Variants in TNRC18 observed in about 807,000 individuals in gnomAD.
The protein encoded by TNRC18 is trinucleotide repeat-containing gene 18 protein.
A neutral mutation model predicts 226.7 loss-of-function variants in TNRC18; 69 were observed. That is an observed-to-expected ratio of 0.30 (90% CI 0.25 to 0.37). TNRC18 has a LOEUF of 0.37. Among genes scored for constraint, TNRC18 ranks in the 10% least tolerant of loss-of-function variants. The pLI is 1.00. For synonymous variants in TNRC18, 2,449 were observed against 1,927.6 expected (o/e 1.27, Z -7.09); for missense variants, 4,754 against 4,256.6 (o/e 1.12, Z -3.25).
intron 2 of TNRC18, among the ~76,000 whole-genome samples, chr7:5,405,922 G>C (rs1171071955): frequency 6.6e-6 from 1 of 152,154 alleles, no homozygotes; most frequent in Non-Finnish European, 1.5e-5. Flanking sequence ...AAATAGAAAA[G>C]TATGCAGACG....
intron 17 of TNRC18, among the ~76,000 whole-genome samples, chr7:5,349,204 G>A (rs964953444): frequency 5.3e-5 from 8 of 152,168 alleles, no homozygotes; most frequent in African/African-American, 1.7e-4. Flanking sequence ...GCCTCCCTGC[G>A]TGCTTGACAA....
Position 5,370,899 on chromosome 7 carries a change from G to T in TNRC18, c.3695C>A (p.Ser1232Tyr), listed in dbSNP as rs747760066. Residue 1232 changes from serine (S) to tyrosine (Y), a missense_variant, in exon 11 of 30, where the codon TCC becomes TAC. Coordinates refer to ENST00000430969, the MANE Select transcript of TNRC18 (RefSeq NM_001080495.3). ...GGTGCAGGGTTCTGTCCGGCCCGGG[G>T]AATCCACCCGTGGTTCAGGCCCCTC... ...FVEGPEPRVD[S>Y]PGRTEPCTAA... 1.2e-6 allele frequency: 2 copies of T among 1,606,204 alleles called. No homozygotes were observed. The highest frequency in any genetic ancestry group is 3.3e-5 in the Admixed American group (2 of 60,000).
At chr7:5,415,761 T>G (rs942143742) in intron 2 of TNRC18, among the ~76,000 whole-genome samples, 3 of 152,158 alleles carry the variant, frequency 2.0e-5, no homozygotes, top group East Asian at 3.9e-4. Context: ...TCCAGGTGGT[T>G]GTCCAGGGAA....
chr7:5,320,296 A>T, intron 24 of TNRC18, 22 bp downstream of exon 24: 6 of 1,534,346 alleles, frequency 3.9e-6, no homozygotes, highest in Non-Finnish European at 5.3e-6. Context: ...GGCAGGGGAG[A>T]GCTGGGGAGG....
chr7:5,381,491 G>C (rs1779392189), intron 5 of TNRC18, among the ~76,000 whole-genome samples: 1 of 152,086 alleles, frequency 6.6e-6, no homozygotes, highest in South Asian at 2.1e-4. Context: ...GACCACCTCT[G>C]CTCCATCACG....
At chr7:5,326,771 C>T (rs1479710631) in intron 19 of TNRC18, among the ~76,000 whole-genome samples, 1 of 151,192 alleles carries the variant, frequency 6.6e-6, no homozygotes, top group East Asian at 1.9e-4. Context: ...CGCGCCACCA[C>T]ACTCCAGCCT....
At chr7:5,328,486 AGT>A (rs1189164009) in intron 19 of TNRC18, among the ~76,000 whole-genome samples, 1 of 150,166 alleles carries the variant, frequency 6.7e-6, no homozygotes, top group Admixed American at 6.7e-5. Flanking sequence ...TGGGCAACAC[AGT>A]GAGACCACCT....
chr7:5,400,812 G>A (rs1256277415), intron 2 of TNRC18, among the ~76,000 whole-genome samples: 1 of 152,134 alleles, frequency 6.6e-6, no homozygotes, highest in Non-Finnish European at 1.5e-5. Context: ...GTCAAGGTGG[G>A]CAGCAGATCA....
rs1444688888 is a variant in TNRC18, at chr7:5,306,899, C to G, written c.*1207G>C. On this transcript the variant is annotated 3_prime_UTR_variant, in exon 30 of 30. Transcript: ENST00000430969. ...ACATAAAAAAAAAAACCAATAATTC[C>G]CCCAAAAAACAAACCCAAAGTCTGG... 1 of 148,864 alleles carries G rather than the reference C, an allele frequency of 6.7e-6. No individual in the cohort carries two copies. The highest frequency in any genetic ancestry group is 1.5e-5 in the Non-Finnish European group (1 of 67,908). The allele number at this position is 148,864 out of a possible 1,614,324, so 9.2% of individuals were successfully genotyped here.
At chr7:5,369,942 T>G (rs1446386294) in intron 11 of TNRC18, among the ~76,000 whole-genome samples, 1 of 152,302 alleles carries the variant, frequency 6.6e-6, no homozygotes, top group Non-Finnish European at 1.5e-5. Context: ...ATGTGTATCT[T>G]AACCACAATT....
chr7:5,366,728 C>T (rs1003288989), intron 11 of TNRC18, among the ~76,000 whole-genome samples: 3 of 152,292 alleles, frequency 2.0e-5, no homozygotes, highest in South Asian at 2.1e-4. Context: ...CCCATACCCC[C>T]GCCTCGAGGT....
chr7:5,343,040 G>A (rs980639801), intron 18 of TNRC18, among the ~76,000 whole-genome samples: 10 of 152,164 alleles, frequency 6.6e-5, no homozygotes, highest in Admixed American at 5.2e-4. Flanking sequence ...TTTAAGATAT[G>A]TACAATGTTT....
Position 5,354,263 on chromosome 7 carries a change from G to A in TNRC18, c.5195-2169C>T, listed in dbSNP as rs185243307. On this transcript the variant is annotated intron_variant, in intron 16 of 29. Transcript: ENST00000430969. ...AAATAAAACGGACATTCCCTCACAC[G>A]TGCCAAGAGTGAACACACCAGCTCG... 1.7e-3 allele frequency among the ~76,000 whole-genome samples: 258 copies of A among 151,868 alleles called. 1 individual carries two copies. The highest frequency in any genetic ancestry group is 5.6e-3 in the African/African-American group (230 of 41,418).
intron 2 of TNRC18, among the ~76,000 whole-genome samples, chr7:5,408,959 C>T (rs985085167): frequency 1.3e-5 from 2 of 152,166 alleles, no homozygotes; most frequent in Non-Finnish European, 2.9e-5. Flanking sequence ...AATCAGAGTG[C>T]GAATCATCAA....
chr7:5,355,318 GA>G (rs1405230194), intron 16 of TNRC18, among the ~76,000 whole-genome samples: 1 of 152,198 alleles, frequency 6.6e-6, no homozygotes, highest in Non-Finnish European at 1.5e-5. Context: ...GTCCCATCAG[GA>G]ATGCTCCATT....
At chr7:5,347,153 G>C (rs897106845) in intron 17 of TNRC18, among the ~76,000 whole-genome samples, 1 of 151,850 alleles carries the variant, frequency 6.6e-6, no homozygotes, top group Admixed American at 6.6e-5. Flanking sequence ...GACCAGCCTG[G>C]GCGACAGAGC....
chr7:5,350,128 A>C (rs1228347758), intron 17 of TNRC18, among the ~76,000 whole-genome samples: 1 of 151,728 alleles, frequency 6.6e-6, no homozygotes, highest in Non-Finnish European at 1.5e-5. Context: ...GAGATGGGGG[A>C]AAGGGAGGAG....
intron 2 of TNRC18, among the ~76,000 whole-genome samples, chr7:5,409,474 G>A (rs1040999403): frequency 2.0e-4 from 29 of 147,592 alleles, no homozygotes; most frequent in Non-Finnish European, 3.8e-4. Context: ...CCTGTAGTCC[G>A]AGAAGGCTGA....
chr7:5,411,855 C>T (rs1479565354), intron 2 of TNRC18, among the ~76,000 whole-genome samples: 4 of 151,962 alleles, frequency 2.6e-5, no homozygotes, highest in Non-Finnish European at 5.9e-5. Context: ...AGCAGCTCAT[C>T]CAATAGATAT....
Sources: gnomAD v4.1 joint callset for allele counts (sites outside exome capture counted in the v4.1 genomes callset) on GRCh38, gnomAD v4.1.1 for gene constraint, MANE v1.5 for transcripts, NCBI Gene and HGNC (gene_info 2026-07-23, HGNC 2026-07-21) for gene names.